Variants in NKD2 observed in about 807,000 individuals in gnomAD.
The protein encoded by NKD2 is protein naked cuticle homolog 2.
In NKD2, 43 loss-of-function variants were observed where a neutral mutation model predicts 34.8. That is an observed-to-expected ratio of 1.24 (90% CI 0.97 to 1.60). NKD2 has a LOEUF of 1.60. NKD2 is among the 40% of genes most tolerant of loss of function. The pLI, the probability that NKD2 is intolerant of heterozygous loss-of-function variation, is 0.00. For synonymous variants in NKD2, 278 were observed against 265.1 expected, an observed-to-expected ratio of 1.05 and a Z score of -0.47; for missense variants, 675 against 627.1, an observed-to-expected ratio of 1.08 and a Z score of -0.82.
At chr5:1,035,637 C>T (rs1255221972) in intron 8 of NKD2, among the ~76,000 whole-genome samples, 164 bp downstream of exon 8, 2 of 152,386 alleles carry the variant, frequency 1.3e-5, no homozygotes, top group East Asian at 1.9e-4. Context: ...GCCCTTCCAG[C>T]ATCTGGCACC....
chr5:1,016,759 C>T (rs576978443), intron 3 of NKD2, among the ~76,000 whole-genome samples: 51 of 152,328 alleles, frequency 3.3e-4, no homozygotes, highest in African/African-American at 1.2e-3. Context: ...CTCTCACATC[C>T]GCTAAGGGGG....
chr5:1,010,700 T>G (rs913188785), intron 3 of NKD2, among the ~76,000 whole-genome samples: 1 of 152,214 alleles, frequency 6.6e-6, no homozygotes, highest in African/African-American at 2.4e-5. Flanking sequence ...CCAATCTGGC[T>G]CTCTCTGCCA....
chr5:1,026,570 G>T (rs1756416639), intron 3 of NKD2, among the ~76,000 whole-genome samples: 1 of 68,914 alleles, frequency 1.5e-5, no homozygotes, highest in Admixed American at 1.8e-4. Context: ...ACCCTCTGTG[G>T]GTGTCCCAGC....
intron 3 of NKD2, among the ~76,000 whole-genome samples, chr5:1,026,936 C>T (rs948058355): frequency 1.3e-5 from 2 of 152,260 alleles, no homozygotes; most frequent in Admixed American, 1.3e-4. Flanking sequence ...CACAAACTGG[C>T]CCTCGATGCC....
intron 3 of NKD2, among the ~76,000 whole-genome samples, chr5:1,031,076 G>GGCAGGAGGCGCTTGGGGGGGT (rs1275161384): frequency 1.3e-5 from 2 of 152,120 alleles, no homozygotes; most frequent in African/African-American, 4.8e-5. Flanking sequence ...TGACCACGGT[G>GGCAGGAGGCGCTTGGGGGGGT]GCAGGAGGCG....
rs774292369 is a variant in NKD2 at position 1,038,136 on chromosome 5, G to A, written c.1119G>A (p.Pro373=). The change falls in exon 10 of 10, where the codon CCG becomes CCA. Residue 373 remains proline, a synonymous_variant. Coordinates refer to ENST00000296849, the MANE Select transcript of NKD2 (RefSeq NM_033120.4). The surrounding 1 kb of genome is among the most constrained non-coding windows in gnomAD (Gnocchi z 4.5). ...CCCCTCAGGACGGCCACCACCTCCC[G>A]CAGCCCCCACCGCCACCCTACGGCC... is the stretch of plus-strand genomic sequence containing the variant. ...PQAPQDGHHL[P]QPPPPPYGHK... is the part of the protein sequence containing the mutation. The A allele has an allele frequency of 1.9e-5, 30 of 1,585,194 alleles. No homozygotes were observed. In the East Asian group the frequency reaches 2.1e-4, roughly 11 times the overall value.
chr5:1,032,648 T>A (rs1016097435), intron 4 of NKD2, among the ~76,000 whole-genome samples: 1 of 152,224 alleles, frequency 6.6e-6, no homozygotes, highest in Non-Finnish European at 1.5e-5. Context: ...AGGTCAGCAC[T>A]TGGCTTACCT....
chr5:1,030,066 C>T (rs562500331), intron 3 of NKD2, among the ~76,000 whole-genome samples: 65 of 152,136 alleles, frequency 4.3e-4, no homozygotes, highest in African/African-American at 1.3e-3. Context: ...AGGTCCCCTG[C>T]ACCCTCCCCA....
At chr5:1,025,930 C>T (rs1756374746) in intron 3 of NKD2, among the ~76,000 whole-genome samples, 3 of 120,970 alleles carry the variant, frequency 2.5e-5, no homozygotes, top group South Asian at 2.9e-4. Flanking sequence ...AGCCCATTGT[C>T]CCTGCTCTTC....
At position 1,038,448 on chromosome 5, in the gene NKD2, G is replaced by T; in HGVS notation, c.*75G>T. 1 of 1,535,352 alleles carries T rather than the reference G, an allele frequency of 6.5e-7. No homozygotes were observed. The highest frequency in any genetic ancestry group is 1.2e-5 in the South Asian group (1 of 84,014). ...CAGGGCAGGGAGCAGAGCAGCTGCC[G>T]GCTGTGTGCCCATGGGGAGCCCAGC... On this transcript the variant is annotated 3_prime_UTR_variant, in exon 10 of 10. Transcript: ENST00000296849. This position sits in a 1 kb window ranked among gnomAD's most constrained non-coding sequence, Gnocchi z 4.5.
Position 1,036,275 on chromosome 5 carries a change from C to A in NKD2, c.678C>A (p.Pro226=). ...CAAGCAGGAGGCCCAGTACTGACCC[C>A]CAGCCCTGCTCGGAGCGGGGGCCCT... ...SAHVRRPSTD[P]QPCSERGPYC... is the part of the protein sequence containing the mutation. The change falls in exon 9 of 10, where the codon CCC becomes CCA. Residue 226 remains proline, a synonymous_variant. Coordinates refer to ENST00000296849, the MANE Select transcript of NKD2 (RefSeq NM_033120.4). 1 of 1,609,626 alleles carries A rather than the reference C, an allele frequency of 6.2e-7. No homozygotes were observed. The highest frequency in any genetic ancestry group is 2.2e-5 in the East Asian group (1 of 44,810).
chr5:1,019,944 C>CT (rs1756109316), intron 3 of NKD2, among the ~76,000 whole-genome samples: 1 of 152,170 alleles, frequency 6.6e-6, no homozygotes, highest in African/African-American at 2.4e-5. Flanking sequence ...TCAGCCTCCT[C>CT]TGAGTGGGGC....
rs767070749 is a variant in NKD2, at chr5:1,037,869, C to T, written c.852C>T (p.Ser284=). The T allele has an allele frequency of 6.2e-7, 1 of 1,603,158 alleles. No individual in the cohort carries two copies. The highest frequency in any genetic ancestry group is 2.2e-5 in the East Asian group (1 of 44,816). ...QGRASHLQAR[S]RSQEPDTHAV... ...GGGCCTCGCACCTCCAGGCCCGGTC[C>T]CGCTCCCAGGAGCCAGATACACATG... Residue 284 remains serine, a synonymous_variant, in exon 10 of 10, where the codon TCC becomes TCT. Coordinates refer to ENST00000296849, the MANE Select transcript of NKD2 (RefSeq NM_033120.4).
chr5:1,010,408 G>T (rs531894286), intron 3 of NKD2, among the ~76,000 whole-genome samples: 1 of 152,320 alleles, frequency 6.6e-6, no homozygotes, highest in African/African-American at 2.4e-5. Context: ...GCCGGGTCAC[G>T]CAATCAGTTT....
rs532467968 is a variant in NKD2, at chr5:1,019,575, C to A, written c.141+10015C>A. On this transcript the variant is annotated intron_variant, in intron 3 of 9. Transcript: ENST00000296849. ...GGTTCTGAGATTGTCGCGTGCAGGG[C>A]ATGCGACGGGGGTGCTTTAGAGAAA... is the stretch of plus-strand genomic sequence containing the variant. 2.0e-5 allele frequency among the ~76,000 whole-genome samples: 3 copies of A among 152,310 alleles called. No homozygotes were observed. The East Asian group carries it at 5.8e-4, about 29-fold the overall frequency.
At position 1,009,062 on chromosome 5, in the gene NKD2, G is replaced by A; in HGVS notation, c.5G>A (p.Gly2Glu). The change falls in exon 1 of 10, where the codon GGG becomes GAG. Residue 2 changes from glycine (G) to glutamate (E), a missense_variant. Physicochemically the swap from Gly to Glu is moderately conservative, Grantham distance 98. Transcript: ENST00000296849. The surrounding 1 kb of genome is among the most constrained non-coding windows in gnomAD (Gnocchi z 6.9). M[G>E]KLQSKHAAAA... is the part of the protein sequence containing the mutation. ...CGGCGGGGCGTGGCGGCGGCGATGG[G>A]GAAACTGCAGTCGAAGCACGGTGAG... The A allele has an allele frequency of 2.4e-6, 1 of 415,044 alleles. No homozygotes were observed. Among genetic ancestry groups the A allele is most frequent in the Non-Finnish European group, 4.2e-6 (1 of 235,836 alleles). 25.7% of individuals were successfully genotyped at this position (415,044 alleles called of 1,614,324 possible).
intron 3 of NKD2, among the ~76,000 whole-genome samples, chr5:1,014,972 TCA>T (rs1755890615): frequency 6.6e-6 from 1 of 152,150 alleles, no homozygotes; most frequent in Admixed American, 6.5e-5. Flanking sequence ...GTGCTGCCAC[TCA>T]CAGCCTGGCC....
At chr5:1,029,231 C>T (rs1319591648) in intron 3 of NKD2, among the ~76,000 whole-genome samples, 5 of 152,148 alleles carry the variant, frequency 3.3e-5, no homozygotes, top group South Asian at 2.1e-4. Flanking sequence ...ACTGTGCGTT[C>T]GAGCGCTGAG....
intron 3 of NKD2, among the ~76,000 whole-genome samples, chr5:1,031,202 G>C (rs956847569): frequency 2.0e-5 from 3 of 152,178 alleles, no homozygotes; most frequent in African/African-American, 7.2e-5. Flanking sequence ...GGTCAGAAGA[G>C]ATGAGGGGCA....
Sources: gnomAD v4.1 joint callset for allele counts (sites outside exome capture counted in the v4.1 genomes callset) on GRCh38, gnomAD v4.1.1 for gene constraint, Gnocchi (gnomAD v3.1) non-coding constraint, MANE v1.5 for transcripts, NCBI Gene and HGNC (gene_info 2026-07-23, HGNC 2026-07-21) for gene names.